Variants in TTC17 observed in about 807,000 individuals in gnomAD.
TTC17 encodes tetratricopeptide repeat domain 17.
Under a neutral mutation model 143.8 loss-of-function variants are expected in TTC17, and 58 were observed. That is an observed-to-expected ratio of 0.40 (90% CI 0.33 to 0.50). TTC17 has a LOEUF of 0.50. TTC17 is among the 20% of genes least tolerant of loss of function. The probability of loss-of-function intolerance (pLI) is 0.49; values close to 1 mark genes in which losing one functional copy is unlikely to be tolerated. For missense variants in TTC17, 1,273 were observed against 1,392.5 expected (o/e 0.91, Z 1.37); for synonymous variants, 501 against 497.8 (o/e 1.01, Z -0.09).
chr11:43,463,442 C>A (rs1173727954), intron 21 of TTC17, among the ~76,000 whole-genome samples: 1 of 151,210 alleles, frequency 6.6e-6, no homozygotes, highest in Non-Finnish European at 1.5e-5. Flanking sequence ...AAATAAATAG[C>A]TTTCATATAT....
At chr11:43,389,071 G>A (rs1259636002) in intron 2 of TTC17, among the ~76,000 whole-genome samples, 2 of 151,146 alleles carry the variant, frequency 1.3e-5, no homozygotes, top group East Asian at 1.9e-4. Flanking sequence ...CCAGGAGGTC[G>A]AGGCTGCAGT....
At chr11:43,361,043 CA>C (rs1856083790) in intron 1 of TTC17, among the ~76,000 whole-genome samples, 1 of 151,958 alleles carries the variant, frequency 6.6e-6, no homozygotes, top group Non-Finnish European at 1.5e-5. Context: ...AATAAGAGGC[CA>C]GGGGAGGAAA....
chr11:43,426,626 C>A (rs1050926612), intron 16 of TTC17, among the ~76,000 whole-genome samples: 2 of 152,316 alleles, frequency 1.3e-5, no homozygotes, highest in African/African-American at 2.4e-5. Context: ...TACTTGCTAC[C>A]TCTACCAATG....
At chr11:43,379,607 GT>G (rs1470718034) in intron 2 of TTC17, among the ~76,000 whole-genome samples, 1 of 152,000 alleles carries the variant, frequency 6.6e-6, no homozygotes, top group Non-Finnish European at 1.5e-5. Context: ...GTGTTTTTAA[GT>G]TTTTTCCATC....
intron 16 of TTC17, among the ~76,000 whole-genome samples, chr11:43,417,973 C>T (rs1367851022): frequency 1.3e-5 from 2 of 152,160 alleles, no homozygotes; most frequent in African/African-American, 4.8e-5. Context: ...TGTTATTTTT[C>T]ATATATAATC....
intron 1 of TTC17, among the ~76,000 whole-genome samples, chr11:43,368,150 C>G (rs1856421506): frequency 6.6e-6 from 1 of 152,086 alleles, no homozygotes; most frequent in African/African-American, 2.4e-5. Context: ...CTGAATTCAC[C>G]TTTTCTTGAT....
At chr11:43,485,989 A>C (rs1948374570) in intron 21 of TTC17, among the ~76,000 whole-genome samples, 1 of 151,222 alleles carries the variant, frequency 6.6e-6, no homozygotes, top group Non-Finnish European at 1.5e-5. Flanking sequence ...GAAGCAATCT[A>C]AATGCCCATC....
At position 43,470,175 on chromosome 11, in the gene TTC17, C is replaced by T. The variant is rs59426388; in HGVS notation, c.3030+18910C>T. Among the ~76,000 whole-genome samples, 776 of 152,286 alleles carry T rather than the reference C, an allele frequency of 5.1e-3. 5 individuals are homozygous for T. Among genetic ancestry groups the T allele is most frequent in the African/African-American group, 0.018 (748 of 41,554 alleles). On this transcript the variant is annotated intron_variant, in intron 21 of 23. Coordinates refer to ENST00000039989, the MANE Select transcript of TTC17 (RefSeq NM_018259.6). ...AGGCAGAAGGGAACTGTACTGACCA[C>T]GTTAGATAGTCCTAGGACCAGTTAG...
At chr11:43,447,768 A>G in intron 18 of TTC17, 1 of 436,886 alleles carries the variant, frequency 2.3e-6, no homozygotes, top group South Asian at 4.7e-5. Context: ...TAAATCTAGC[A>G]AAGGACTCAT....
intron 21 of TTC17, among the ~76,000 whole-genome samples, chr11:43,482,992 T>A (rs1350615893): frequency 6.6e-6 from 1 of 151,994 alleles, no homozygotes; most frequent in African/African-American, 2.4e-5. Flanking sequence ...ATTCTCAATA[T>A]CAAGAAAAAG....
At chr11:43,406,038 G>T (rs778357439) in intron 13 of TTC17, 87 bp downstream of exon 13, 6 of 1,428,204 alleles carry the variant, frequency 4.2e-6, no homozygotes, top group Non-Finnish European at 5.6e-6. Context: ...TTGATAGAAG[G>T]TAGCTGTTGA....
chr11:43,443,113 G>A (rs1947459142), intron 16 of TTC17, among the ~76,000 whole-genome samples: 2 of 152,156 alleles, frequency 1.3e-5, no homozygotes, highest in African/African-American at 4.8e-5. Flanking sequence ...AGCTGCCACT[G>A]TTCTCAGCCA....
chr11:43,451,348 A>T, intron 21 of TTC17, 83 bp downstream of exon 21: 1 of 1,227,358 alleles, frequency 8.1e-7, no homozygotes, highest in Non-Finnish European at 1.2e-6. Flanking sequence ...AGTGTCTGTA[A>T]CCTCTTCTGT....
chr11:43,388,496 T>C (rs1441653646), intron 2 of TTC17, among the ~76,000 whole-genome samples: 1 of 151,552 alleles, frequency 6.6e-6, no homozygotes, highest in African/African-American at 2.4e-5. Flanking sequence ...GTTAGAGATT[T>C]AGAAGACATT....
intron 21 of TTC17, among the ~76,000 whole-genome samples, chr11:43,464,173 G>A (rs1449724430): frequency 1.3e-5 from 2 of 151,958 alleles, no homozygotes; most frequent in African/African-American, 4.8e-5. Context: ...CCGGGTACTC[G>A]GGAGGGTGGG....
rs191178450 is a variant in TTC17, at chr11:43,493,651, C to T, written c.3295-122C>T. 3,403 of 1,447,952 alleles carry T rather than the reference C, an allele frequency of 2.4e-3. 17 individuals carry two copies. The highest frequency in any genetic ancestry group is 1.7e-3 in the Non-Finnish European group (1,764 of 1,051,688). 89.7% of individuals were successfully genotyped at this position (1,447,952 alleles called of 1,614,324 possible). A position where few individuals can be genotyped will look rare whatever the true frequency, so the allele number is the denominator to read the frequency against. On this transcript the variant is annotated intron_variant, in intron 23 of 23. Coordinates refer to ENST00000039989, the MANE Select transcript of TTC17 (RefSeq NM_018259.6). Reference sequence around the variant, plus strand: ...AGAGTTTTCCACAAAGACTTAGATCCGTTGAGCAAATGCTGCGGGATTGTC... The same window carrying T: ...AGAGTTTTCCACAAAGACTTAGATCTGTTGAGCAAATGCTGCGGGATTGTC...
chr11:43,405,470 A>C lies in TTC17; in HGVS notation c.1480-44A>C, dbSNP rs770252797. The C allele has an allele frequency of 2.1e-6, 3 of 1,431,090 alleles. No homozygotes were observed. The South Asian group carries it at 3.5e-5, about 17-fold the overall frequency. 88.6% of individuals were successfully genotyped at this position (1,431,090 alleles called of 1,614,324 possible). ...AAAAGTTTATTTAGCATATTGAAAT[A>C]TTGAATCCAAAGAAATTTATGAGAA... On this transcript the variant is annotated intron_variant, in intron 11 of 23. Coordinates refer to ENST00000039989, the MANE Select transcript of TTC17 (RefSeq NM_018259.6).
chr11:43,414,645 G>C lies in TTC17; in HGVS notation c.2120G>C (p.Gly707Ala), dbSNP rs267602876. The C allele has an allele frequency of 6.2e-7, 1 of 1,613,504 alleles. No homozygotes were observed. The highest frequency in any genetic ancestry group is 8.5e-7 in the Non-Finnish European group (1 of 1,179,668). The change falls in exon 16 of 24, where the codon GGG becomes GCG. Residue 707 changes from glycine (G) to alanine (A), a missense_variant. This residue lies in a region of TTC17 where 878 missense variants were observed against 899.8 expected (regional missense o/e 0.98). Transcript: ENST00000039989. Reference sequence around the variant, plus strand: ...TACCTTGCTCTGAAGAATATCAGTGGGGCACTTGAGGCCTTTAGACAGGCC... The same window carrying C: ...TACCTTGCTCTGAAGAATATCAGTGCGGCACTTGAGGCCTTTAGACAGGCC... ...NAYLALKNIS[G>A]ALEAFRQALK...
chr11:43,373,600 G>A (rs1856654230), intron 1 of TTC17, among the ~76,000 whole-genome samples: 1 of 152,120 alleles, frequency 6.6e-6, no homozygotes, highest in African/African-American at 2.4e-5. Context: ...TGGGATTACA[G>A]GCGTGAACCA....
Sources: gnomAD v4.1 joint callset for allele counts (sites outside exome capture counted in the v4.1 genomes callset) on GRCh38, gnomAD v4.1.1 for gene constraint, gnomAD v4.1.1 regional missense constraint, MANE v1.5 for transcripts, NCBI Gene and HGNC (gene_info 2026-07-23, HGNC 2026-07-21) for gene names.